The following TNIP3 variants were observed in gnomAD, a reference collection of about 807,000 sequenced individuals.
The protein encoded by TNIP3 is TNFAIP3-interacting protein 3.
In TNIP3, 34 loss-of-function variants were observed where a neutral mutation model predicts 54.1. The observed-to-expected ratio is 0.63, with a 90% confidence interval of 0.48 to 0.84. The LOEUF (loss-of-function observed/expected upper bound fraction) is 0.84. TNIP3 is among the 40% of genes least tolerant of loss of function. The pLI is 0.00. For synonymous variants in TNIP3, 134 were observed against 136.8 expected, an observed-to-expected ratio of 0.98 and a Z score of 0.14; for missense variants, 366 against 387.6, an observed-to-expected ratio of 0.94 and a Z score of 0.47.
chr4:121,163,402 A>G (rs1370562866), intron 1 of TNIP3, among the ~76,000 whole-genome samples: 1 of 152,222 alleles, frequency 6.6e-6, no homozygotes, highest in Non-Finnish European at 1.5e-5. Context: ...ATTTTCAGTC[A>G]TTGATTCTAG....
chr4:121,181,630 T>A (rs1724706769), intron 3 of TNIP3, among the ~76,000 whole-genome samples: 1 of 76,152 alleles, frequency 1.3e-5, no homozygotes, highest in South Asian at 2.9e-4. Flanking sequence ...GACAGGTGTG[T>A]GTGTGTGTGT....
chr4:121,138,880 C>T (rs1728945548), intron 9 of TNIP3, among the ~76,000 whole-genome samples, 196 bp from the exon 10 acceptor site: 1 of 152,124 alleles, frequency 6.6e-6, no homozygotes, highest in Non-Finnish European at 1.5e-5. Context: ...CTCTTAAATC[C>T]ACTCTGTGTT....
chr4:121,154,094 C>T (rs1393779667), intron 5 of TNIP3: 1 of 183,898 alleles, frequency 5.4e-6, no homozygotes, highest in African/African-American at 2.4e-5. Flanking sequence ...TTTAGGCTTG[C>T]ACTTGAGAGA....
intron 2 of TNIP3, chr4:121,192,711 G>GGT (rs1725364138): frequency 6.6e-6 from 1 of 152,062 alleles, no homozygotes; most frequent in Non-Finnish European, 1.5e-5. Flanking sequence ...CCGGAGAAGG[G>GGT]GTATGGGTGT....
intron 1 of TNIP3, chr4:121,227,331 AC>A: frequency 6.6e-7 from 1 of 1,515,602 alleles, no homozygotes; most frequent in Non-Finnish European, 8.9e-7. Context: ...GTTACAACCA[AC>A]CCTGGTAAGT....
chr4:121,135,692 C>T (rs768023509), intron 10 of TNIP3, among the ~76,000 whole-genome samples: 2 of 152,236 alleles, frequency 1.3e-5, no homozygotes, highest in Non-Finnish European at 2.9e-5. Flanking sequence ...AGCCACCACT[C>T]CTGGCCTTAA....
intron 5 of TNIP3, among the ~76,000 whole-genome samples, chr4:121,152,957 T>G (rs1028684070): frequency 2.0e-5 from 3 of 152,068 alleles, no homozygotes; most frequent in African/African-American, 7.2e-5. Context: ...ACAAATAAAG[T>G]CATAAAAGTT....
intron 3 of TNIP3, among the ~76,000 whole-genome samples, chr4:121,172,352 A>T (rs1325941656): frequency 6.6e-6 from 1 of 152,152 alleles, no homozygotes; most frequent in Admixed American, 6.6e-5. Flanking sequence ...ATTGAGGAGG[A>T]TGTAGTGTTT....
chr4:121,144,066 G>A (rs2148799526), intron 7 of TNIP3, among the ~76,000 whole-genome samples: 1 of 152,310 alleles, frequency 6.6e-6, no homozygotes, highest in South Asian at 2.1e-4. Flanking sequence ...AGCACCACAA[G>A]TATTGATTTG....
intron 5 of TNIP3, among the ~76,000 whole-genome samples, chr4:121,152,875 G>A (rs1400954404): frequency 1.3e-5 from 2 of 152,074 alleles, no homozygotes; most frequent in African/African-American, 2.4e-5. Context: ...CTGTGCCTCT[G>A]GTGCCTAATG....
At chr4:121,184,100 C>G (rs1163834796) in intron 2 of TNIP3, among the ~76,000 whole-genome samples, 1 of 151,710 alleles carries the variant, frequency 6.6e-6, no homozygotes, top group Non-Finnish European at 1.5e-5. Context: ...AAACAACTCA[C>G]AAGGAAAAAT....
intron 3 of TNIP3, among the ~76,000 whole-genome samples, chr4:121,181,123 T>C (rs1724671972): frequency 6.6e-6 from 1 of 152,106 alleles, no homozygotes; most frequent in Non-Finnish European, 1.5e-5. Flanking sequence ...GTAATAAGGA[T>C]GTAGAAGAGG....
chr4:121,174,552 T>C (rs776581753), intron 3 of TNIP3, among the ~76,000 whole-genome samples: 1 of 152,038 alleles, frequency 6.6e-6, no homozygotes, highest in Non-Finnish European at 1.5e-5. Flanking sequence ...TGTCTGAAAA[T>C]AAGCCTGACT....
chr4:121,210,527 G>C (rs1726424491), intron 2 of TNIP3, among the ~76,000 whole-genome samples: 1 of 152,162 alleles, frequency 6.6e-6, no homozygotes, highest in South Asian at 2.1e-4. Flanking sequence ...TAGTGTCTTA[G>C]TCTTCTTGAG....
chr4:121,203,250 TAGATAGATAGAA>T (rs1725999221), intron 2 of TNIP3, among the ~76,000 whole-genome samples: 1 of 151,752 alleles, frequency 6.6e-6, no homozygotes, highest in African/African-American at 2.4e-5. Context: ...GATAGATAGA[TAGATAGATAGAA>T]AGATACCATG....
chr4:121,195,093 C>T (rs559366095), intron 2 of TNIP3, among the ~76,000 whole-genome samples: 4 of 152,032 alleles, frequency 2.6e-5, no homozygotes, highest in East Asian at 1.9e-4. Flanking sequence ...GCTTGAACCC[C>T]GGAAGCAGAG....
chr4:121,208,442 A>G (rs1726303701), intron 2 of TNIP3, among the ~76,000 whole-genome samples: 1 of 152,150 alleles, frequency 6.6e-6, no homozygotes, highest in South Asian at 2.1e-4. Flanking sequence ...TCAGCACAAG[A>G]GGGCAGCTTC....
chr4:121,211,272 T>C (rs1386814977), intron 2 of TNIP3, among the ~76,000 whole-genome samples: 1 of 152,182 alleles, frequency 6.6e-6, no homozygotes, highest in Non-Finnish European at 1.5e-5. Flanking sequence ...CTTATGTCAA[T>C]ATAAATACTA....
At chr4:121,212,665 G>A (rs541142695) in intron 2 of TNIP3, among the ~76,000 whole-genome samples, 1 of 152,120 alleles carries the variant, frequency 6.6e-6, no homozygotes, top group African/African-American at 2.4e-5. Context: ...AAACTATAAG[G>A]TTCTCTTCTA....
Sources: gnomAD v4.1 joint callset for allele counts (sites outside exome capture counted in the v4.1 genomes callset) on GRCh38, gnomAD v4.1.1 for gene constraint, MANE v1.5 for transcripts, NCBI Gene and HGNC (gene_info 2026-07-23, HGNC 2026-07-21) for gene names.